Variants in L3MBTL4 observed in about 807,000 individuals in gnomAD.
L3MBTL4 encodes the protein lethal(3)malignant brain tumor-like protein 4.
L3MBTL4 carries 70 observed loss-of-function variants against 84.5 expected under a neutral mutation model. The observed-to-expected ratio is 0.83, with a 90% CI of 0.68 to 1.01. The LOEUF (loss-of-function observed/expected upper bound fraction) is 1.01. Among genes scored for constraint, L3MBTL4 ranks in the 50% least tolerant of loss-of-function variants. L3MBTL4 has a pLI of 0.00. For missense variants in L3MBTL4, 715 were observed against 754.8 expected, an observed-to-expected ratio of 0.95 and a Z score of 0.62; for synonymous variants, 274 against 259.8, an observed-to-expected ratio of 1.05 and a Z score of -0.52.
intron 1 of L3MBTL4, among the ~76,000 whole-genome samples, chr18:6,341,448 C>T (rs1356395202): frequency 2.0e-5 from 3 of 151,680 alleles, no homozygotes; most frequent in Admixed American, 2.0e-4. Context: ...TTAAAAAGAA[C>T]CAAACATAAA....
At chr18:6,380,506 G>T (rs1331196634) in intron 1 of L3MBTL4, among the ~76,000 whole-genome samples, 1 of 152,074 alleles carries the variant, frequency 6.6e-6, no homozygotes, top group Non-Finnish European at 1.5e-5. Flanking sequence ...CAGAGATTCT[G>T]GTACATTGTG....
chr18:6,259,556 T>C (rs914224036), intron 5 of L3MBTL4: 1 of 152,254 alleles, frequency 6.6e-6, no homozygotes, highest in Admixed American at 6.5e-5. Flanking sequence ...CATTTTTTAT[T>C]TTTTACTTTT....
chr18:6,404,177 C>G (rs944710217), intron 1 of L3MBTL4, among the ~76,000 whole-genome samples: 3 of 152,082 alleles, frequency 2.0e-5, no homozygotes, highest in African/African-American at 7.2e-5. Context: ...TGCACCAAAA[C>G]CTCACAAATC....
intron 12 of L3MBTL4, among the ~76,000 whole-genome samples, chr18:6,190,274 G>T (rs960377702): frequency 3.3e-5 from 5 of 152,176 alleles, no homozygotes; most frequent in South Asian, 2.1e-4. Context: ...GAAAGGTATG[G>T]GAAAGGGCTG....
chr18:6,169,722 A>G (rs1280060237), intron 13 of L3MBTL4, among the ~76,000 whole-genome samples: 2 of 151,644 alleles, frequency 1.3e-5, no homozygotes, highest in Admixed American at 1.3e-4. Flanking sequence ...AGATATACCT[A>G]ATGCTAAATG....
chr18:6,139,085 G>A (rs1284973942), intron 13 of L3MBTL4, among the ~76,000 whole-genome samples: 1 of 152,014 alleles, frequency 6.6e-6, no homozygotes, highest in Non-Finnish European at 1.5e-5. Flanking sequence ...TCAAAGCTAG[G>A]CAAAGAAAGA....
intron 10 of L3MBTL4, among the ~76,000 whole-genome samples, chr18:6,236,848 G>A (rs1425658574): frequency 1.3e-5 from 2 of 152,064 alleles, no homozygotes; most frequent in African/African-American, 4.8e-5. Context: ...TCAAGAATTT[G>A]ATGAGAAGTC....
At chr18:6,322,470 G>A (rs2051464564) in intron 1 of L3MBTL4, among the ~76,000 whole-genome samples, 1 of 142,786 alleles carries the variant, frequency 7.0e-6, no homozygotes, top group African/African-American at 2.7e-5. Context: ...AGGAAGGAAG[G>A]AAGGAAGGAA....
intron 14 of L3MBTL4, among the ~76,000 whole-genome samples, chr18:6,098,802 C>A (rs1040244349): frequency 3.9e-5 from 6 of 152,134 alleles, no homozygotes; most frequent in Non-Finnish European, 7.3e-5. Context: ...TAAGACAAGA[C>A]TGAAGAGTCC....
At chr18:6,306,382 T>C (rs2050585764) in intron 3 of L3MBTL4, among the ~76,000 whole-genome samples, 1 of 152,206 alleles carries the variant, frequency 6.6e-6, no homozygotes, top group African/African-American at 2.4e-5. Flanking sequence ...CTAAAGTGTT[T>C]GCTAAGACAC....
At chr18:6,071,587 A>G (rs1224104040) in intron 16 of L3MBTL4, among the ~76,000 whole-genome samples, 1 of 150,622 alleles carries the variant, frequency 6.6e-6, no homozygotes, top group East Asian at 1.9e-4. Flanking sequence ...AGTAAGCCAT[A>G]ATCACGCCAC....
chr18:6,259,107 AG>A (rs1195817693), intron 5 of L3MBTL4: 2 of 152,122 alleles, frequency 1.3e-5, no homozygotes, highest in African/African-American at 4.8e-5. Context: ...CACAGGGAGG[AG>A]GGAATGACGT....
At chr18:6,315,909 T>C (rs73387682) in intron 1 of L3MBTL4, among the ~76,000 whole-genome samples, 5,914 of 149,344 alleles carry the variant, frequency 0.04, 199 homozygotes, top group East Asian at 0.09. Flanking sequence ...TATGTATTAA[T>C]TCTGCACCCA....
At chr18:6,237,497 C>T (rs1334419644) in intron 10 of L3MBTL4, among the ~76,000 whole-genome samples, 2 of 142,494 alleles carry the variant, frequency 1.4e-5, no homozygotes, top group Non-Finnish European at 3.0e-5. Context: ...ACTCTGTCAC[C>T]CAGGCTGGTG....
intron 13 of L3MBTL4, among the ~76,000 whole-genome samples, chr18:6,152,327 A>G (rs9949399): frequency 0.052 from 7,882 of 152,108 alleles, 698 homozygotes; most frequent in African/African-American, 0.18. Flanking sequence ...CATAACAGCT[A>G]TACCAATTTA....
chr18:6,069,444 T>C (rs78503782), intron 16 of L3MBTL4, among the ~76,000 whole-genome samples: 3 of 152,174 alleles, frequency 2.0e-5, no homozygotes, highest in Non-Finnish European at 2.9e-5. Flanking sequence ...TTTTTTTTTT[T>C]CCTCAGGTGA....
At chr18:6,410,589 TAC>T (rs1319331816) in intron 1 of L3MBTL4, among the ~76,000 whole-genome samples, 1 of 152,212 alleles carries the variant, frequency 6.6e-6, no homozygotes, top group Non-Finnish European at 1.5e-5. Context: ...CAGAATAGCT[TAC>T]ATACCAAAAT....
chr18:5,986,502 G>A (rs190366217), intron 16 of L3MBTL4, among the ~76,000 whole-genome samples: 1 of 152,332 alleles, frequency 6.6e-6, no homozygotes, highest in East Asian at 1.9e-4. Flanking sequence ...TTCCTTGGGA[G>A]CTTCTAGCTT....
intron 16 of L3MBTL4, among the ~76,000 whole-genome samples, chr18:6,023,857 T>G (rs553881053): frequency 6.6e-6 from 1 of 151,282 alleles, no homozygotes; most frequent in South Asian, 2.1e-4. Context: ...AGTGTTTCAG[T>G]GGTAGATTTA....
Sources: allele counts gnomAD v4.1 joint callset (sites outside exome capture counted in the v4.1 genomes callset), GRCh38; gene constraint gnomAD v4.1.1; transcripts MANE v1.5; gene names NCBI Gene and HGNC (gene_info 2026-07-23, HGNC 2026-07-21).